CRB1: variants seen among roughly 807,000 people sequenced by gnomAD.
CRB1 encodes the protein protein crumbs homolog 1.
In CRB1, 83 loss-of-function variants were observed where a neutral mutation model predicts 120.0. The ratio of observed to expected loss-of-function variants is 0.69; its 90% CI spans 0.58 to 0.83. CRB1 has a LOEUF of 0.83. Ranked by LOEUF, CRB1 falls within the 40% of genes least tolerant of loss-of-function variation. The probability of loss-of-function intolerance (pLI) is 0.00; values close to 1 mark genes in which losing one functional copy is unlikely to be tolerated. For synonymous variants in CRB1, 625 were observed against 612.5 expected (o/e 1.02, Z -0.30); for missense variants, 1,699 against 1,687.6 (o/e 1.01, Z -0.12).
intron 5 of CRB1, among the ~76,000 whole-genome samples, chr1:197,406,580 T>A (rs2759658): frequency 0.39 from 58,470 of 151,724 alleles, 12,899 homozygotes; most frequent in African/African-American, 0.61. Context: ...AATAAAAAAA[T>A]AAATAAATAA....
the CRB1 span, among the ~76,000 whole-genome samples, chr1:197,202,077 T>C: frequency 2.0e-5 from 3 of 152,142 alleles, no homozygotes; most frequent in Admixed American, 2.0e-4. Flanking sequence ...CGTGTGATTT[T>C]ACAGGCATAA....
chr1:197,424,536 C>T (rs1183303866), intron 6 of CRB1, among the ~76,000 whole-genome samples: 1 of 152,070 alleles, frequency 6.6e-6, no homozygotes, highest in Non-Finnish European at 1.5e-5. Context: ...CTTTGTATTC[C>T]TTCTAAGATG....
the CRB1 span, among the ~76,000 whole-genome samples, chr1:197,204,245 A>G: frequency 1.3e-5 from 2 of 152,174 alleles, no homozygotes; most frequent in African/African-American, 4.8e-5. Flanking sequence ...TTGTGCTGCT[A>G]CAAGCCTGCG....
chr1:197,396,009 AAAAG>A (rs1662751248), intron 5 of CRB1, among the ~76,000 whole-genome samples: 1 of 152,150 alleles, frequency 6.6e-6, no homozygotes, highest in African/African-American at 2.4e-5. Context: ...CATGGTAAGA[AAAAG>A]AAATAGCAGT....
At chr1:197,393,228 T>G (rs749689000) in intron 5 of CRB1, among the ~76,000 whole-genome samples, 14 of 152,084 alleles carry the variant, frequency 9.2e-5, no homozygotes, top group Non-Finnish European at 1.9e-4. Context: ...TAGTATTGCA[T>G]GCACAATGTG....
chr1:197,322,250 G>A (rs1391255181), intron 1 of CRB1, among the ~76,000 whole-genome samples: 1 of 152,042 alleles, frequency 6.6e-6, no homozygotes, highest in Non-Finnish European at 1.5e-5. Flanking sequence ...GGGGGCCGAG[G>A]TAGACAGATC....
chr1:197,206,049 G>A, the CRB1 span, among the ~76,000 whole-genome samples: 2 of 151,956 alleles, frequency 1.3e-5, no homozygotes, highest in Non-Finnish European at 2.9e-5. Context: ...ACATAAAGAT[G>A]TACACAGTAG....
chr1:197,298,215 C>A (rs888135566), intron 1 of CRB1, among the ~76,000 whole-genome samples: 5 of 152,004 alleles, frequency 3.3e-5, no homozygotes, highest in African/African-American at 1.2e-4. Context: ...AGAGGCAAGA[C>A]CCTACAGGGA....
intron 5 of CRB1, among the ~76,000 whole-genome samples, chr1:197,406,991 T>G (rs146704796): frequency 6.6e-6 from 1 of 152,342 alleles, no homozygotes; most frequent in African/African-American, 2.4e-5. Flanking sequence ...GAGCCATTGC[T>G]GGGACATTTG....
chr1:197,244,653 A>T, the CRB1 span, among the ~76,000 whole-genome samples: 889 of 151,926 alleles, frequency 5.9e-3, 11 homozygotes, highest in African/African-American at 0.021. Flanking sequence ...ATTTGAGTAT[A>T]TTCTGTTTGG....
chr1:197,449,435 C>T (rs1365662754), intron 11 of CRB1, among the ~76,000 whole-genome samples: 1 of 152,086 alleles, frequency 6.6e-6, no homozygotes, highest in Non-Finnish European at 1.5e-5. Context: ...GGCGCAATCT[C>T]GGCTCACTGC....
intron 9 of CRB1, among the ~76,000 whole-genome samples, chr1:197,436,890 AT>A (rs1038051315): frequency 6.6e-6 from 1 of 151,964 alleles, no homozygotes; most frequent in Non-Finnish European, 1.5e-5. Context: ...ATATGCAGTG[AT>A]TTTTTTTGCC....
chr1:197,387,092 T>C (rs1421023133), intron 5 of CRB1, among the ~76,000 whole-genome samples: 5 of 152,084 alleles, frequency 3.3e-5, no homozygotes, highest in African/African-American at 7.2e-5. Flanking sequence ...CATGTTCACA[T>C]TCTTGTTCCC....
intron 1 of CRB1, among the ~76,000 whole-genome samples, chr1:197,289,182 A>G (rs1656018357): frequency 6.6e-6 from 1 of 151,818 alleles, no homozygotes; most frequent in Middle Eastern, 3.2e-3. Flanking sequence ...AGAAACACAC[A>G]CACAAAACCA....
intron 5 of CRB1, among the ~76,000 whole-genome samples, chr1:197,376,991 T>C (rs1246871785): frequency 1.3e-5 from 2 of 152,100 alleles, no homozygotes; most frequent in East Asian, 3.9e-4. Flanking sequence ...TTACATTTAT[T>C]TTTCCCTTTA....
the CRB1 span, among the ~76,000 whole-genome samples, chr1:197,244,105 C>T: frequency 2.3e-4 from 35 of 152,232 alleles, no homozygotes; most frequent in East Asian, 2.3e-3. Context: ...TACAGCACAA[C>T]GATGGGTCTT....
intron 2 of CRB1, among the ~76,000 whole-genome samples, chr1:197,336,433 G>A (rs1440585667): frequency 6.9e-6 from 1 of 144,766 alleles, no homozygotes; most frequent in Admixed American, 6.7e-5. Flanking sequence ...CTTATTTCAT[G>A]AGAAATAATA....
At chr1:197,388,389 A>C (rs925571397) in intron 5 of CRB1, among the ~76,000 whole-genome samples, 1 of 152,016 alleles carries the variant, frequency 6.6e-6, no homozygotes, top group Non-Finnish European at 1.5e-5. Context: ...AAGAAAAAAA[A>C]CTCAATTTCA....
chr1:197,442,520 A>G (rs1235244308), intron 11 of CRB1: 7 of 1,454,358 alleles, frequency 4.8e-6, no homozygotes, highest in Non-Finnish European at 6.3e-6. Flanking sequence ...AATAAAAACC[A>G]TCTCAATAAT....
Sources: allele counts gnomAD v4.1 joint callset (sites outside exome capture counted in the v4.1 genomes callset), GRCh38; gene constraint gnomAD v4.1.1; transcripts MANE v1.5; gene names NCBI Gene and HGNC (gene_info 2026-07-23, HGNC 2026-07-21).